The following ZNF711 variants were observed in gnomAD, a reference collection of about 807,000 sequenced individuals.
ZNF711 encodes the protein zinc finger protein 711.
Under a neutral mutation model 43.5 loss-of-function variants are expected in ZNF711, and 3 were observed. The observed-to-expected ratio is 0.07, with a 90% CI of 0.03 to 0.18. The LOEUF (loss-of-function observed/expected upper bound fraction) is 0.18, where lower values mean the gene tolerates loss of function less well. ZNF711 is among the 10% of genes least tolerant of loss of function. ZNF711 has a pLI of 1.00. For missense variants in ZNF711, 412 were observed against 604.0 expected (o/e 0.68, Z 3.33); for synonymous variants, 209 against 207.7 (o/e 1.01, Z -0.06).
rs1306542716 is a variant in ZNF711 at position 85,267,411 on chromosome X, A to G, written c.1050A>G (p.Ala350=). The G allele has an allele frequency of 7.1e-5, 80 of 1,120,391 alleles. No individual in the cohort carries two copies. The highest frequency in any genetic ancestry group is 9.3e-5 in the Non-Finnish European group (80 of 857,322). The allele number at this position is 1,120,391 out of a possible 1,213,427, so 92.3% of individuals were successfully genotyped here. A position where few individuals can be genotyped will look rare whatever the true frequency, so the allele number is the denominator to read the frequency against. ...TTGTCCCTGTTGTCTGGGCTGCGGC[A>G]TATGGTAGGATACTGGCATTTTTTC... is the stretch of plus-strand genomic sequence containing the variant. ...KTVVPVVWAA[A]YGDERRVSRR... The change falls in exon 8 of 11, where the codon GCA becomes GCG. Residue 350 remains alanine, a synonymous_variant. Transcript: ENST00000674551.
At chrX:85,268,231 G>A in intron 8 of ZNF711, 63 bp from the exon 9 acceptor site, 1 of 1,069,158 alleles carries the variant, frequency 9.4e-7, no homozygotes, top group Non-Finnish European at 1.2e-6. Context: ...TGATCCACTA[G>A]TAGTCATTAT....
rs200918774 is a variant in ZNF711, at chrX:85,270,652, T to C, written c.1248T>C (p.Ala416=). Residue 416 remains alanine, a splice_region_variant and synonymous_variant, in exon 11 of 11, where the codon GCT becomes GCC. Transcript: ENST00000674551. ...CAACTTTCTCTTTTCTTTATCTAGCTGTTATAATAGGTCCTGATGGACAGC... is the reference window on the plus strand; with the variant it reads ...CAACTTTCTCTTTTCTTTATCTAGCCGTTATAATAGGTCCTGATGGACAGC... ...RRGETRQWQT[A]VIIGPDGQPL... 8.3e-7 allele frequency: 1 copy of C among 1,198,079 alleles called. No homozygotes were observed. The highest frequency in any genetic ancestry group is 1.1e-6 in the Non-Finnish European group (1 of 885,973).
At chrX:85,255,866 T>TG in intron 5 of ZNF711, 65 bp downstream of exon 5, 1 of 1,061,816 alleles carries the variant, frequency 9.4e-7, no homozygotes, top group Non-Finnish European at 1.3e-6. Context: ...AAAAGTTTTC[T>TG]GGGATGAGGG....
intron 4 of ZNF711, among the ~76,000 whole-genome samples, chrX:85,251,788 CCT>C (rs1473194393): frequency 1.8e-5 from 2 of 110,095 alleles, no homozygotes; most frequent in East Asian, 2.9e-4. Flanking sequence ...TAATCTTACA[CCT>C]CTCTTTAAAA....
chrX:85,261,325 T>C (rs1930622328), intron 5 of ZNF711, among the ~76,000 whole-genome samples: 1 of 111,790 alleles, frequency 8.9e-6, no homozygotes, highest in African/African-American at 3.2e-5. Flanking sequence ...TTGGCTATTA[T>C]GAATAATGCT....
intron 4 of ZNF711, 141 bp downstream of exon 4, chrX:85,247,792 A>C: frequency 1.9e-6 from 1 of 521,231 alleles, no homozygotes. Context: ...GCTTATTCTC[A>C]TAAAGCTGTG....
chrX:85,250,135 C>T (rs1929420701), intron 4 of ZNF711, among the ~76,000 whole-genome samples: 1 of 112,022 alleles, frequency 8.9e-6, no homozygotes, highest in Admixed American at 9.5e-5. Context: ...TATTTTTAAT[C>T]CACTAGAAAT....
rs187954106 is a variant in ZNF711, at chrX:85,272,100, G to A, written c.*272G>A. 261 of 294,979 alleles carry A rather than the reference G, an allele frequency of 8.8e-4. 1 individual carries two copies. The East Asian group carries it at 0.011, about 12-fold the overall frequency. 24.3% of individuals were successfully genotyped at this position (294,979 alleles called of 1,213,427 possible). ...ATTATATGCATACTTAAACTACAGA[G>A]GGGAAAAGCAAAGACAAATACTTTA... On this transcript the variant is annotated 3_prime_UTR_variant, in exon 11 of 11. Transcript: ENST00000674551.
chrX:85,263,157 C>T, intron 5 of ZNF711, among the ~76,000 whole-genome samples: 1 of 110,543 alleles, frequency 9.0e-6, no homozygotes, highest in East Asian at 2.9e-4. Context: ...ATTTAGGAGG[C>T]ATATATTGTT....
In ZNF711 at chrX:85,255,732, A is replaced by T; in HGVS notation, c.553A>T (p.Thr185Ser). Residue 185 changes from threonine (T) to serine (S), a missense_variant, in exon 5 of 11, where the codon ACT becomes TCT. Physicochemically the swap from Thr to Ser is moderately conservative, Grantham distance 58 (BLOSUM62 1). Around this residue, in one of 4 missense-constraint regions of ZNF711, gnomAD observed 375 missense variants for 514.2 expected, o/e 0.73. Coordinates refer to ENST00000674551, the MANE Select transcript of ZNF711 (RefSeq NM_001330574.2). ...TGGAGGTGTTCCTGGTTCTACAGTTACTATAAAAACCGAAGATGATGATGA... is the reference window on the plus strand; with the variant it reads ...TGGAGGTGTTCCTGGTTCTACAGTTTCTATAAAAACCGAAGATGATGATGA... Reference protein sequence around the residue: ...AAGGVPGSTVTIKTEDDDDDD... With the variant: ...AAGGVPGSTVSIKTEDDDDDD... The T allele has an allele frequency of 8.3e-7, 1 of 1,210,890 alleles. No individual in the cohort carries two copies. Among genetic ancestry groups the T allele is most frequent in the Non-Finnish European group, 1.1e-6 (1 of 895,188 alleles).
At chrX:85,261,810 A>G (rs1292085902) in intron 5 of ZNF711, among the ~76,000 whole-genome samples, 4 of 110,951 alleles carry the variant, frequency 3.6e-5, no homozygotes, top group African/African-American at 1.3e-4. Flanking sequence ...AAACAACACT[A>G]TTGGACTTGA....
intron 4 of ZNF711, among the ~76,000 whole-genome samples, chrX:85,252,758 T>C (rs1416563623): frequency 9.4e-6 from 1 of 106,495 alleles, no homozygotes; most frequent in Non-Finnish European, 1.9e-5. Flanking sequence ...CTGTGTCCTT[T>C]TGGGGTAATT....
chrX:85,247,696 G>C (rs1929153646), intron 4 of ZNF711, 45 bp downstream of exon 4: 1 of 1,050,624 alleles, frequency 9.5e-7, no homozygotes, highest in African/African-American at 1.8e-5. Context: ...TTAGAAGTAA[G>C]GGGATAATAA....
rs1398902549 is a variant in ZNF711 at position 85,273,225 on chromosome X, T to C, written c.*1397T>C. On this transcript the variant is annotated 3_prime_UTR_variant, in exon 11 of 11. Coordinates refer to ENST00000674551, the MANE Select transcript of ZNF711 (RefSeq NM_001330574.2). ...ACTTCAGAATATTAAATTTGGAATA[T>C]CTACTAAAATTGTGTGTTATGTGGC... The C allele has an allele frequency of 8.9e-6, 1 of 112,026 alleles. No homozygotes were observed. Among genetic ancestry groups the C allele is most frequent in the Admixed American group, 9.5e-5 (1 of 10,476 alleles). The allele number at this position is 112,026 out of a possible 1,213,427, so 9.2% of individuals were successfully genotyped here. A position where few individuals can be genotyped will look rare whatever the true frequency, so the allele number is the denominator to read the frequency against.
intron 7 of ZNF711, among the ~76,000 whole-genome samples, chrX:85,265,909 T>C (rs1931053363): frequency 9.0e-6 from 1 of 111,325 alleles, no homozygotes; most frequent in Non-Finnish European, 1.9e-5. Context: ...GTTGATGGTC[T>C]CCAAGCAGTT....
rs138896662 is a variant in ZNF711 at position 85,260,810 on chromosome X, C to T, written c.623-3465C>T. Reference sequence around the variant, plus strand: ...TGCAGGGGTTAAGGGTGCTGAACCCCGCCCCCCCTGCTGACATACACACAG... The same window carrying T: ...TGCAGGGGTTAAGGGTGCTGAACCCTGCCCCCCCTGCTGACATACACACAG... On this transcript the variant is annotated intron_variant, in intron 5 of 10. Coordinates refer to ENST00000674551, the MANE Select transcript of ZNF711 (RefSeq NM_001330574.2). 4.0e-3 allele frequency among the ~76,000 whole-genome samples: 441 copies of T among 110,346 alleles called. 18 individuals are homozygous for T. In the East Asian group the frequency reaches 0.11, roughly 26 times the overall value.
intron 4 of ZNF711, among the ~76,000 whole-genome samples, chrX:85,248,392 C>T (rs776123857): frequency 9.7e-6 from 1 of 103,285 alleles, no homozygotes; most frequent in African/African-American, 3.6e-5. Context: ...TTGCTTGAGC[C>T]CATGAGGCGG....
Position 85,271,108 on chromosome X carries a change from A to G in ZNF711, c.1704A>G (p.Lys568=). 8.3e-7 allele frequency: 1 copy of G among 1,210,996 alleles called. No individual in the cohort carries two copies. Among genetic ancestry groups the G allele is most frequent in the Non-Finnish European group, 1.1e-6 (1 of 895,139 alleles). The change falls in exon 11 of 11, where the codon AAA becomes AAG. Residue 568 remains lysine (K), a synonymous_variant. Coordinates refer to ENST00000674551, the MANE Select transcript of ZNF711 (RefSeq NM_001330574.2). ...TTCGACATCCTTCTGAACTCAAGAAACATATGAGAACCCATACTGGTGAGA... is the reference window on the plus strand; with the variant it reads ...TTCGACATCCTTCTGAACTCAAGAAGCATATGAGAACCCATACTGGTGAGA... ...KGFRHPSELK[K]HMRTHTGEKP...
At chrX:85,254,822 AAAAG>A (rs1352361209) in intron 4 of ZNF711, among the ~76,000 whole-genome samples, 4 of 108,091 alleles carry the variant, frequency 3.7e-5, no homozygotes, top group Middle Eastern at 4.7e-3. Flanking sequence ...AAAAAAAAGA[AAAAG>A]AAAAAAAGAA....
Sources: gnomAD v4.1 joint callset for allele counts (sites outside exome capture counted in the v4.1 genomes callset) on GRCh38, gnomAD v4.1.1 for gene constraint, gnomAD v4.1.1 regional missense constraint, MANE v1.5 for transcripts, NCBI Gene and HGNC (gene_info 2026-07-23, HGNC 2026-07-21) for gene names.